The following NELL1 variants were observed in gnomAD, a reference collection of about 807,000 sequenced individuals.
NELL1 encodes the protein protein kinase C-binding protein NELL1.
A neutral mutation model predicts 107.4 loss-of-function variants in NELL1; 76 were observed. That is an observed-to-expected ratio of 0.71 (90% CI 0.59 to 0.86). The LOEUF (loss-of-function observed/expected upper bound fraction) is 0.86, where lower values mean the gene tolerates loss of function less well. Ranked by LOEUF, NELL1 falls within the 40% of genes least tolerant of loss-of-function variation. The pLI is 0.00. For synonymous variants in NELL1, 353 were observed against 341.2 expected (o/e 1.03, Z -0.38); for missense variants, 1,024 against 1,005.5 (o/e 1.02, Z -0.25).
chr11:21,509,738 C>A (rs76151433), intron 15 of NELL1, among the ~76,000 whole-genome samples: 23,895 of 151,966 alleles, frequency 0.16, 1,951 homozygotes, highest in Non-Finnish European at 0.17. Flanking sequence ...CATGAAAAGA[C>A]GTCTTTGATT....
chr11:21,038,270 G>A (rs772401827), intron 12 of NELL1, among the ~76,000 whole-genome samples: 32 of 152,262 alleles, frequency 2.1e-4, no homozygotes, highest in South Asian at 4.1e-4. Context: ...GATTCAATCA[G>A]TGAGGCAATA....
chr11:20,819,577 T>A (rs562628440), intron 3 of NELL1, among the ~76,000 whole-genome samples: 1 of 152,310 alleles, frequency 6.6e-6, no homozygotes, highest in African/African-American at 2.4e-5. Flanking sequence ...TACATGAGAC[T>A]TTTAAAATTG....
intron 3 of NELL1, among the ~76,000 whole-genome samples, chr11:20,812,728 G>A (rs1285575389): frequency 1.3e-5 from 2 of 152,074 alleles, no homozygotes; most frequent in Admixed American, 6.5e-5. Context: ...TAGCAGAGGG[G>A]CCGGGCGCGG....
At chr11:20,783,215 A>C (rs1856885080) in intron 2 of NELL1, among the ~76,000 whole-genome samples, 1 of 152,220 alleles carries the variant, frequency 6.6e-6, no homozygotes, top group Non-Finnish European at 1.5e-5. Context: ...GTGAAATTGG[A>C]GGATGCTGAG....
At chr11:21,359,988 T>C (rs986358498) in intron 14 of NELL1, among the ~76,000 whole-genome samples, 1 of 152,166 alleles carries the variant, frequency 6.6e-6, no homozygotes, top group African/African-American at 2.4e-5. Flanking sequence ...CAATTTCATT[T>C]AGTTCTGCTC....
At chr11:21,571,775 C>T (rs1400326940) in intron 18 of NELL1, among the ~76,000 whole-genome samples, 1 of 151,822 alleles carries the variant, frequency 6.6e-6, no homozygotes, top group African/African-American at 2.4e-5. Flanking sequence ...AGTGGGAAGA[C>T]TTCTAGGACA....
chr11:21,406,111 A>G (rs1047957193), intron 15 of NELL1, among the ~76,000 whole-genome samples: 2 of 152,038 alleles, frequency 1.3e-5, no homozygotes, highest in African/African-American at 4.8e-5. Flanking sequence ...AAAGGAAGCT[A>G]ATCTTCAACA....
At chr11:20,843,630 A>G (rs11025782) in intron 3 of NELL1, among the ~76,000 whole-genome samples, 47,512 of 146,532 alleles carry the variant, frequency 0.32, 8,681 homozygotes, top group African/African-American at 0.49. Flanking sequence ...ATGAATATAA[A>G]ATTTTATTAT....
intron 15 of NELL1, among the ~76,000 whole-genome samples, chr11:21,413,118 C>A (rs565345917): frequency 1.3e-5 from 2 of 152,210 alleles, no homozygotes; most frequent in South Asian, 2.1e-4. Flanking sequence ...CCCTTGATTG[C>A]CAATTCAGAA....
chr11:20,963,625 G>A (rs570621187), intron 12 of NELL1, among the ~76,000 whole-genome samples: 6 of 152,198 alleles, frequency 3.9e-5, no homozygotes, highest in South Asian at 4.2e-4. Flanking sequence ...TGAAGTGATC[G>A]GGTAGACAAG....
intron 12 of NELL1, among the ~76,000 whole-genome samples, chr11:21,102,259 A>T (rs949146282): frequency 6.6e-6 from 1 of 152,192 alleles, no homozygotes. Flanking sequence ...ATTACCAGAG[A>T]TACACTATCT....
At chr11:21,370,085 G>GGA (rs139204685) in intron 14 of NELL1, among the ~76,000 whole-genome samples, 6,402 of 152,050 alleles carry the variant, frequency 0.042, 423 homozygotes, top group African/African-American at 0.14. Flanking sequence ...CTATTGCAAT[G>GGA]GAGAGGTTCA....
At position 20,895,129 on chromosome 11, in the gene NELL1, G is replaced by A. The variant is rs983491102; in HGVS notation, c.603+9589G>A. 4.3e-4 allele frequency among the ~76,000 whole-genome samples: 62 copies of A among 143,898 alleles called. 1 individual carries two copies. Among genetic ancestry groups the A allele is most frequent in the African/African-American group, 1.5e-3 (55 of 36,874 alleles). 94.4% of individuals were successfully genotyped at this position (143,898 alleles called of 152,430 possible). ...TACTAAAAATACAAAAAAATTAGCC[G>A]GGCGTAGTGGCGGGCGCCTGTAGTC... On this transcript the variant is annotated intron_variant, in intron 5 of 19. Transcript: ENST00000357134.
At chr11:21,318,469 T>C (rs1217250410) in intron 14 of NELL1, among the ~76,000 whole-genome samples, 1 of 152,220 alleles carries the variant, frequency 6.6e-6, no homozygotes, top group Non-Finnish European at 1.5e-5. Flanking sequence ...TTGTAACTTC[T>C]TTGAAACAAA....
At chr11:21,031,381 G>A (rs1249067451) in intron 12 of NELL1, among the ~76,000 whole-genome samples, 1 of 152,126 alleles carries the variant, frequency 6.6e-6, no homozygotes, top group African/African-American at 2.4e-5. Flanking sequence ...TGCTAATTCT[G>A]TAATTTATTC....
intron 5 of NELL1, among the ~76,000 whole-genome samples, chr11:20,914,407 C>T (rs557898779): frequency 2.2e-4 from 34 of 151,988 alleles, no homozygotes; most frequent in Non-Finnish European, 4.6e-4. Context: ...TTTTTCTGAT[C>T]GGCTATTGGT....
At chr11:21,219,389 G>A (rs904463517) in intron 13 of NELL1, among the ~76,000 whole-genome samples, 6 of 152,072 alleles carry the variant, frequency 3.9e-5, no homozygotes, top group Admixed American at 1.3e-4. Flanking sequence ...TTAATCCCTT[G>A]TCACATGATA....
chr11:21,337,821 TTTC>T (rs1388133395), intron 14 of NELL1, among the ~76,000 whole-genome samples: 11 of 24,994 alleles, frequency 4.4e-4, no homozygotes, highest in Non-Finnish European at 4.6e-4. Context: ...GCTTTCCTTC[TTTC>T]TTTCTTTCTT....
At chr11:21,035,143 T>G (rs1031961021) in intron 12 of NELL1, among the ~76,000 whole-genome samples, 1 of 152,082 alleles carries the variant, frequency 6.6e-6, no homozygotes, top group African/African-American at 2.4e-5. Context: ...GATACATTCC[T>G]GGACACATAC....
Sources: gnomAD v4.1 joint callset for allele counts (sites outside exome capture counted in the v4.1 genomes callset) on GRCh38, gnomAD v4.1.1 for gene constraint, MANE v1.5 for transcripts, NCBI Gene and HGNC (gene_info 2026-07-23, HGNC 2026-07-21) for gene names.